PTPRC: variants seen among roughly 807,000 people sequenced by gnomAD.
The protein encoded by PTPRC is receptor-type tyrosine-protein phosphatase C.
In PTPRC, 44 loss-of-function variants were observed where a neutral mutation model predicts 155.9. The observed-to-expected ratio is 0.28, with a 90% confidence interval of 0.22 to 0.36. The LOEUF (loss-of-function observed/expected upper bound fraction) is 0.36. Ranked by LOEUF, PTPRC falls within the 10% of genes least tolerant of loss-of-function variation. PTPRC has a pLI of 1.00. For synonymous variants in PTPRC, 525 were observed against 533.1 expected (o/e 0.98, Z 0.21); for missense variants, 1,401 against 1,564.6 (o/e 0.90, Z 1.76).
chr1:198,717,359 T>C (rs1412934551), intron 13 of PTPRC, among the ~76,000 whole-genome samples: 1 of 152,244 alleles, frequency 6.6e-6, no homozygotes, highest in Non-Finnish European at 1.5e-5. Context: ...GGCATTTGGC[T>C]CTTGCCACTA....
intron 2 of PTPRC, among the ~76,000 whole-genome samples, chr1:198,655,669 C>A (rs1663524598): frequency 6.6e-6 from 1 of 151,978 alleles, no homozygotes; most frequent in Non-Finnish European, 1.5e-5. Context: ...GTTTCTGAAT[C>A]TTGACCCTGT....
chr1:198,683,612 A>G (rs1166610679), intron 2 of PTPRC, among the ~76,000 whole-genome samples: 1 of 152,100 alleles, frequency 6.6e-6, no homozygotes, highest in Non-Finnish European at 1.5e-5. Flanking sequence ...CATCATAATC[A>G]CCATCAGAGC....
At chr1:198,748,557 G>A (rs1325978055) in intron 27 of PTPRC, among the ~76,000 whole-genome samples, 1 of 151,582 alleles carries the variant, frequency 6.6e-6, no homozygotes, top group East Asian at 1.9e-4. Flanking sequence ...CAGGGTAATT[G>A]ACAAATAGTA....
At chr1:198,748,999 T>C (rs1655258804) in intron 27 of PTPRC, among the ~76,000 whole-genome samples, 1 of 151,614 alleles carries the variant, frequency 6.6e-6, no homozygotes, top group Non-Finnish European at 1.5e-5. Context: ...GGCTAAATAA[T>C]TAATCAAAGC....
chr1:198,674,307 G>C (rs1664816384), intron 2 of PTPRC, among the ~76,000 whole-genome samples: 1 of 152,084 alleles, frequency 6.6e-6, no homozygotes, highest in South Asian at 2.1e-4. Context: ...TTCACAACTA[G>C]TGAGTGAGAA....
intron 25 of PTPRC, 40 bp from the exon 26 acceptor site, chr1:198,744,014 A>G (rs776088859): frequency 2.6e-6 from 4 of 1,554,870 alleles, no homozygotes; most frequent in Admixed American, 1.7e-5. Context: ...AGGACTCTAG[A>G]TTATCAGTTA....
chr1:198,641,596 T>G (rs1467609634), intron 2 of PTPRC, among the ~76,000 whole-genome samples: 3 of 152,042 alleles, frequency 2.0e-5, no homozygotes, highest in Non-Finnish European at 4.4e-5. Context: ...TTCCTAATCC[T>G]CTTGCTCTGT....
chr1:198,741,498 T>A (rs1211612662), intron 23 of PTPRC, among the ~76,000 whole-genome samples: 3 of 151,816 alleles, frequency 2.0e-5, no homozygotes, highest in Non-Finnish European at 4.4e-5. Context: ...CCAAAAAGCT[T>A]CCACCCATGC....
In PTPRC at chr1:198,732,663, A is replaced by T. The variant is rs1654449741; in HGVS notation, c.2142+107A>T. The stretch of plus-strand genomic sequence containing the variant: ...ATTAAAAATATTTTGAAGTGAGCCC[A>T]TATGTCACTGATATAAACAAAAAAT... On this transcript the variant is annotated intron_variant, in intron 20 of 32. Transcript: ENST00000442510. 3.4e-6 allele frequency: 3 copies of T among 872,364 alleles called. No homozygotes were observed. In the South Asian group the frequency reaches 4.7e-5, roughly 14 times the overall value. The allele number at this position is 872,364 out of a possible 1,614,324, so 54.0% of individuals were successfully genotyped here.
At chr1:198,683,658 C>T (rs1665462392) in intron 2 of PTPRC, among the ~76,000 whole-genome samples, 1 of 152,032 alleles carries the variant, frequency 6.6e-6, no homozygotes, top group Non-Finnish European at 1.5e-5. Context: ...CACGTTACCC[C>T]ACAAACCTAC....
At chr1:198,702,272 C>G (rs1017648262) in intron 5 of PTPRC, 115 bp from the exon 6 acceptor site, 1 of 1,346,814 alleles carries the variant, frequency 7.4e-7, no homozygotes, top group Non-Finnish European at 1.1e-6. Flanking sequence ...AGCAGAAGTG[C>G]TTGAAGATTT....
Position 198,718,031 on chromosome 1 carries a change from G to A in PTPRC, c.1451-63G>A, listed in dbSNP as rs552365007. On this transcript the variant is annotated intron_variant, in intron 13 of 32. Coordinates refer to ENST00000442510, the MANE Select transcript of PTPRC (RefSeq NM_002838.5). ...ATACTTTATACTATATCCAAGTATT[G>A]TCAAGTAATTTACATATGCATCTAT... 8.6e-5 allele frequency: 113 copies of A among 1,319,930 alleles called. No individual in the cohort carries two copies. The East Asian group carries it at 2.7e-3, about 32-fold the overall frequency. 81.8% of individuals were successfully genotyped at this position (1,319,930 alleles called of 1,614,324 possible).
At chr1:198,644,468 A>G (rs1341489898) in intron 2 of PTPRC, among the ~76,000 whole-genome samples, 2 of 152,024 alleles carry the variant, frequency 1.3e-5, no homozygotes, top group South Asian at 2.1e-4. Flanking sequence ...TCTAACCAAT[A>G]TTTATATTAG....
chr1:198,661,009 G>GTA (rs1030560872), intron 2 of PTPRC, among the ~76,000 whole-genome samples: 6 of 150,526 alleles, frequency 4.0e-5, no homozygotes, highest in African/African-American at 9.9e-5. Flanking sequence ...TAGGATCAAT[G>GTA]TATATATATC....
intron 23 of PTPRC, among the ~76,000 whole-genome samples, chr1:198,738,430 G>A (rs140239047): frequency 1.6e-4 from 24 of 151,884 alleles, no homozygotes; most frequent in African/African-American, 5.8e-4. Context: ...CCTTCATTCT[G>A]TTGATATAAT....
intron 23 of PTPRC, among the ~76,000 whole-genome samples, chr1:198,736,908 T>C (rs1283894607): frequency 2.0e-5 from 3 of 151,778 alleles, no homozygotes; most frequent in African/African-American, 7.2e-5. Flanking sequence ...GATAACTTAA[T>C]GTAGTTTTGA....
chr1:198,655,479 G>A (rs1663510233), intron 2 of PTPRC, among the ~76,000 whole-genome samples: 1 of 152,048 alleles, frequency 6.6e-6, no homozygotes, highest in Non-Finnish European at 1.5e-5. Context: ...TGAGGTATTT[G>A]TTCTGTGGCC....
chr1:198,728,917 TCTC>T lies in PTPRC; in HGVS notation c.1830-216_1830-214del, dbSNP rs758886594. Among the ~76,000 whole-genome samples the T allele has an allele frequency of 6.6e-5, 10 of 152,100 alleles. No homozygotes were observed. In the East Asian group the frequency reaches 1.5e-3, roughly 24 times the overall value. ...TTTTCTTTCCTCCCTCACCCTCCTC[TCTC>T]CTCTCTGACTCTGCTTTCTCCCATC... On this transcript the variant is annotated intron_variant, in intron 16 of 32. Coordinates refer to ENST00000442510, the MANE Select transcript of PTPRC (RefSeq NM_002838.5).
chr1:198,700,628 A>C (rs769032008), intron 5 of PTPRC, among the ~76,000 whole-genome samples: 11 of 152,190 alleles, frequency 7.2e-5, no homozygotes, highest in Non-Finnish European at 1.6e-4. Context: ...TAGCAAACCC[A>C]CAGATCCAGA....
Sources: gnomAD v4.1 joint callset for allele counts (sites outside exome capture counted in the v4.1 genomes callset) on GRCh38, gnomAD v4.1.1 for gene constraint, MANE v1.5 for transcripts, NCBI Gene and HGNC (gene_info 2026-07-23, HGNC 2026-07-21) for gene names.